TENM2: variants seen among roughly 807,000 people sequenced by gnomAD.
TENM2 encodes teneurin transmembrane protein 2, also known as teneurin-2.
In TENM2, 52 loss-of-function variants were observed where a neutral mutation model predicts 245.2. The ratio of observed to expected loss-of-function variants is 0.21; its 90% CI spans 0.17 to 0.27. The LOEUF is 0.27. Ranked by LOEUF, TENM2 falls within the 10% of genes least tolerant of loss-of-function variation. TENM2 has a pLI of 1.00. For missense variants in TENM2, 3,046 were observed against 3,666.8 expected, an observed-to-expected ratio of 0.83 and a Z score of 4.37; for synonymous variants, 1,363 against 1,438.9, an observed-to-expected ratio of 0.95 and a Z score of 1.19.
At chr5:168,151,751 G>C (rs2152425844) in intron 12 of TENM2, among the ~76,000 whole-genome samples, 1 of 152,356 alleles carries the variant, frequency 6.6e-6, no homozygotes, top group Admixed American at 6.5e-5. Flanking sequence ...AGCAGAATCT[G>C]TTGGAAGCCC....
At chr5:167,686,128 C>T (rs1363518683) in intron 2 of TENM2, among the ~76,000 whole-genome samples, 1 of 152,182 alleles carries the variant, frequency 6.6e-6, no homozygotes, top group Non-Finnish European at 1.5e-5. Context: ...TGATCACTTA[C>T]TATTATTTTC....
At chr5:167,831,485 CTTTTT>C in intron 2 of TENM2, among the ~76,000 whole-genome samples, 1 of 127,796 alleles carries the variant, frequency 7.8e-6, no homozygotes, top group Admixed American at 8.0e-5. Context: ...GAGTTCAGCA[CTTTTT>C]TTTTTTTTTT....
intron 2 of TENM2, among the ~76,000 whole-genome samples, chr5:167,431,320 T>C (rs187457971): frequency 6.6e-6 from 1 of 152,242 alleles, no homozygotes; most frequent in African/African-American, 2.4e-5. Context: ...ATGACTTAGG[T>C]TAGTTCCCCC....
exon 7 of TENM2, chr5:168,062,171 G>T: frequency 1.2e-6 from 2 of 1,613,650 alleles, no homozygotes; most frequent in South Asian, 2.2e-5. Context: ...ATTCACATCA[G>T]TCAGCCCCAG....
chr5:168,150,181 A>G (rs1562219285), intron 12 of TENM2, among the ~76,000 whole-genome samples: 1 of 61,104 alleles, frequency 1.6e-5, no homozygotes. Context: ...TTCATTGACT[A>G]CTGTATGCCC....
intron 2 of TENM2, among the ~76,000 whole-genome samples, chr5:167,661,650 C>T (rs1755214593): frequency 6.6e-6 from 1 of 152,122 alleles, no homozygotes; most frequent in Admixed American, 6.5e-5. Flanking sequence ...ATAAGGACAA[C>T]AGAAATAAGA....
At chr5:168,172,582 C>T (rs377190860) in intron 13 of TENM2, among the ~76,000 whole-genome samples, 13 of 152,184 alleles carry the variant, frequency 8.5e-5, no homozygotes, top group African/African-American at 3.1e-4. Flanking sequence ...CTCTGGGCCC[C>T]TCACAGCACC....
chr5:167,267,814 AT>A, the TENM2 span, among the ~76,000 whole-genome samples: 2 of 152,116 alleles, frequency 1.3e-5, no homozygotes, highest in Non-Finnish European at 2.9e-5. Flanking sequence ...TTATTGAGTT[AT>A]TTTTAAATTT....
In TENM2 at chr5:168,252,191, A is replaced by G. The variant is rs554303883; in HGVS notation, c.7432+3820A>G. On this transcript the variant is annotated intron_variant, in intron 27 of 28. Transcript: ENST00000518659. ...CTAGGAGTTTGAGACCAGCCTGGGC[A>G]ATGTAGAGAGATCCCATCTCTACCA... Among the ~76,000 whole-genome samples, 4 of 152,096 alleles carry G rather than the reference A, an allele frequency of 2.6e-5. No homozygotes were observed. In the South Asian group the frequency reaches 6.2e-4, roughly 24 times the overall value.
At chr5:166,986,912 G>A in the TENM2 span, among the ~76,000 whole-genome samples, 18 of 49,364 alleles carry the variant, frequency 3.6e-4, no homozygotes, top group Admixed American at 3.1e-3. Flanking sequence ...TTAGAGAAGA[G>A]CATTTTTTTT....
intron 2 of TENM2, among the ~76,000 whole-genome samples, chr5:167,581,851 G>A (rs983822216): frequency 1.3e-5 from 2 of 151,430 alleles, no homozygotes; most frequent in African/African-American, 2.4e-5. Context: ...GATCTAATCT[G>A]AAATTAGATA....
intron 12 of TENM2, among the ~76,000 whole-genome samples, chr5:168,149,684 C>A (rs1756467197): frequency 6.6e-6 from 1 of 152,322 alleles, no homozygotes; most frequent in African/African-American, 2.4e-5. Flanking sequence ...CCTCACCCAG[C>A]ACAAAGGGAG....
intron 2 of TENM2, among the ~76,000 whole-genome samples, chr5:167,556,697 A>C (rs1003973948): frequency 1.3e-5 from 2 of 152,226 alleles, no homozygotes; most frequent in Non-Finnish European, 2.9e-5. Flanking sequence ...ACCACCCTTG[A>C]TAAGTAGAAT....
chr5:167,092,645 C>T, the TENM2 span, among the ~76,000 whole-genome samples: 1 of 152,086 alleles, frequency 6.6e-6, no homozygotes, highest in African/African-American at 2.4e-5. Flanking sequence ...AGATGACAAA[C>T]CTAGAGAAAA....
intron 1 of TENM2, among the ~76,000 whole-genome samples, chr5:167,345,113 G>T (rs1435121177): frequency 6.6e-6 from 1 of 152,162 alleles, no homozygotes; most frequent in Admixed American, 6.5e-5. Context: ...CCTAGTCAGG[G>T]CTGTTTCTCT....
intron 2 of TENM2, among the ~76,000 whole-genome samples, chr5:167,812,011 G>A (rs1264448858): frequency 1.3e-5 from 2 of 152,272 alleles, no homozygotes; most frequent in South Asian, 4.1e-4. Flanking sequence ...AGAGGACATG[G>A]AAAGTTCCCT....
intron 8 of TENM2, among the ~76,000 whole-genome samples, chr5:168,096,806 C>T (rs899486089): frequency 6.6e-6 from 1 of 152,126 alleles, no homozygotes; most frequent in African/African-American, 2.4e-5. Flanking sequence ...TCCTTTTCAT[C>T]TTAGTAATTT....
chr5:168,086,201 A>G (rs1450691417), intron 7 of TENM2, among the ~76,000 whole-genome samples: 5 of 152,154 alleles, frequency 3.3e-5, no homozygotes, highest in Admixed American at 3.3e-4. Context: ...CTTCTGGGAA[A>G]GTAACAGCCC....
chr5:167,228,593 T>C, the TENM2 span, among the ~76,000 whole-genome samples: 1 of 152,050 alleles, frequency 6.6e-6, no homozygotes, highest in African/African-American at 2.4e-5. Context: ...TGTTCTGATC[T>C]GTTGCTGGAG....
Sources: allele counts gnomAD v4.1 joint callset (sites outside exome capture counted in the v4.1 genomes callset), GRCh38; gene constraint gnomAD v4.1.1; transcripts MANE v1.5; gene names NCBI Gene and HGNC (gene_info 2026-07-23, HGNC 2026-07-21).